Variants in DPP10 observed in about 807,000 individuals in gnomAD.
The protein encoded by DPP10 is inactive dipeptidyl peptidase 10.
Under a neutral mutation model 120.9 loss-of-function variants are expected in DPP10, and 33 were observed. The observed-to-expected ratio is 0.27, with a 90% CI of 0.21 to 0.37. DPP10 has a LOEUF of 0.37. DPP10 is among the 10% of genes least tolerant of loss of function. The pLI, the probability that DPP10 is intolerant of heterozygous loss-of-function variation, is 1.00. For synonymous variants in DPP10, 337 were observed against 326.1 expected (o/e 1.03, Z -0.36); for missense variants, 816 against 942.8 (o/e 0.87, Z 1.76).
At chr2:115,304,596 C>G (rs2061283809) in intron 1 of DPP10, among the ~76,000 whole-genome samples, 1 of 152,004 alleles carries the variant, frequency 6.6e-6, no homozygotes, top group East Asian at 1.9e-4. Flanking sequence ...CAGACTATTT[C>G]AATATAGATG....
intron 1 of DPP10, among the ~76,000 whole-genome samples, chr2:114,627,062 C>T (rs1694566174): frequency 6.6e-6 from 1 of 152,060 alleles, no homozygotes. Flanking sequence ...ACACACGAAG[C>T]TCCATAAAAG....
intron 1 of DPP10, among the ~76,000 whole-genome samples, chr2:114,634,780 G>A (rs1445688327): frequency 6.6e-6 from 1 of 151,868 alleles, no homozygotes; most frequent in Admixed American, 6.6e-5. Context: ...ATTATAACTA[G>A]TAAAACTATA....
intron 1 of DPP10, among the ~76,000 whole-genome samples, chr2:114,721,060 A>T (rs11680414): frequency 6.6e-6 from 1 of 152,256 alleles, no homozygotes; most frequent in Non-Finnish European, 1.5e-5. Flanking sequence ...TACGTTACAC[A>T]GCATAACCTA....
intron 1 of DPP10, among the ~76,000 whole-genome samples, chr2:114,903,651 G>A (rs1157358955): frequency 6.6e-6 from 1 of 152,110 alleles, no homozygotes; most frequent in Non-Finnish European, 1.5e-5. Context: ...TGTGACCTTT[G>A]TCTCCACAAA....
intron 1 of DPP10, among the ~76,000 whole-genome samples, chr2:114,611,129 A>T (rs1467323669): frequency 6.6e-6 from 1 of 151,736 alleles, no homozygotes; most frequent in Non-Finnish European, 1.5e-5. Context: ...TTGAAAGAGA[A>T]CCCGTAGGCA....
chr2:114,975,414 A>G (rs1699691881), intron 1 of DPP10, among the ~76,000 whole-genome samples: 1 of 152,220 alleles, frequency 6.6e-6, no homozygotes. Flanking sequence ...TTTTAAAAAA[A>G]TGAAATTAGA....
chr2:114,571,542 TC>T (rs756241127), intron 1 of DPP10, among the ~76,000 whole-genome samples: 5 of 152,042 alleles, frequency 3.3e-5, no homozygotes, highest in Non-Finnish European at 7.4e-5. Flanking sequence ...TGTAATGCCA[TC>T]CCCTTTCTCT....
Position 114,828,219 on chromosome 2 carries a change from C to T in DPP10, c.60+385381C>T, listed in dbSNP as rs529815832. Among the ~76,000 whole-genome samples, 12 of 152,246 alleles carry T rather than the reference C, an allele frequency of 7.9e-5. No individual in the cohort carries two copies. In the East Asian group the frequency reaches 1.4e-3, roughly 17 times the overall value. ...GGGTAGATGGTCTACGGCCATACCA[C>T]CCTGAACACTCCCCGTCTCGTCTGA... is the stretch of plus-strand genomic sequence containing the variant. On this transcript the variant is annotated intron_variant, in intron 1 of 25. Transcript: ENST00000410059.
rs556047691 is a variant in DPP10, at chr2:115,634,205, G to A, written c.442-55482G>A. 3.9e-5 allele frequency among the ~76,000 whole-genome samples: 6 copies of A among 152,242 alleles called. No homozygotes were observed. The South Asian group carries it at 8.3e-4, about 21-fold the overall frequency. Reference sequence around the variant, plus strand: ...CTCCTTCTGAAGACTACTTCCGTCAGTTTATCCATCTCAGCCTCTGCCTAG... The same window carrying A: ...CTCCTTCTGAAGACTACTTCCGTCAATTTATCCATCTCAGCCTCTGCCTAG... On this transcript the variant is annotated intron_variant, in intron 5 of 25. Coordinates refer to ENST00000410059, the MANE Select transcript of DPP10 (RefSeq NM_020868.6).
At chr2:115,814,355 C>T (rs927204321) in intron 19 of DPP10, among the ~76,000 whole-genome samples, 1 of 151,888 alleles carries the variant, frequency 6.6e-6, no homozygotes, top group African/African-American at 2.4e-5. Context: ...AAATTATTAT[C>T]AACTTTTCAT....
intron 1 of DPP10, among the ~76,000 whole-genome samples, chr2:114,980,991 A>ATTTT (rs10670062): frequency 2.1e-5 from 3 of 145,176 alleles, no homozygotes; most frequent in African/African-American, 7.6e-5. Flanking sequence ...ATGTTGTGTC[A>ATTTT]TTTTTTTTTT....
chr2:114,613,511 T>G (rs1320026314), intron 1 of DPP10, among the ~76,000 whole-genome samples: 1 of 152,166 alleles, frequency 6.6e-6, no homozygotes, highest in African/African-American at 2.4e-5. Flanking sequence ...TTTTACACTG[T>G]TGGTGGGAGT....
Position 115,525,920 on chromosome 2 carries a change from A to C in DPP10, c.389A>C (p.His130Pro). The part of the protein sequence containing the change: ...TTFVTFKASR[H>P]SVSPDLKYVL... Reference sequence around the variant, plus strand: ...TAGGTAACCTTCAAAGCATCAAGACATTCAGTTTCACCAGATTTAAAATAT... The same window carrying C: ...TAGGTAACCTTCAAAGCATCAAGACCTTCAGTTTCACCAGATTTAAAATAT... Residue 130 changes from histidine to proline, a missense_variant, in exon 5 of 26, where the codon CAT becomes CCT. Physicochemically the swap from His to Pro is moderately conservative, Grantham distance 77. This residue lies in a region of DPP10 where 182 missense variants were observed against 207.4 expected (regional missense o/e 0.88). Coordinates refer to ENST00000410059, the MANE Select transcript of DPP10 (RefSeq NM_020868.6). The C allele has an allele frequency of 1.2e-6, 2 of 1,609,706 alleles. No homozygotes were observed. The highest frequency in any genetic ancestry group is 1.7e-6 in the Non-Finnish European group (2 of 1,178,444).
chr2:115,796,193 T>C (rs953673576), intron 19 of DPP10, among the ~76,000 whole-genome samples: 1 of 152,122 alleles, frequency 6.6e-6, no homozygotes, highest in Non-Finnish European at 1.5e-5. Flanking sequence ...TCATCACTTG[T>C]GTTTTCACAT....
chr2:114,894,994 G>A (rs1191091875), intron 1 of DPP10, among the ~76,000 whole-genome samples: 1 of 151,962 alleles, frequency 6.6e-6, no homozygotes, highest in Non-Finnish European at 1.5e-5. Flanking sequence ...ATGACAGTTA[G>A]GCAAACTACT....
At chr2:114,616,902 C>T (rs1693715840) in intron 1 of DPP10, among the ~76,000 whole-genome samples, 1 of 152,040 alleles carries the variant, frequency 6.6e-6, no homozygotes, top group Non-Finnish European at 1.5e-5. Flanking sequence ...CATATGATGA[C>T]ACATCAACTT....
At chr2:114,833,403 A>G in intron 1 of DPP10, 1 of 152,218 alleles carries the variant, frequency 6.6e-6, no homozygotes, top group South Asian at 2.1e-4. Flanking sequence ...TTTCTTAGGA[A>G]ATAATATTTT....
chr2:115,635,357 T>C (rs1244533192), intron 5 of DPP10, among the ~76,000 whole-genome samples: 1 of 152,120 alleles, frequency 6.6e-6, no homozygotes, highest in East Asian at 1.9e-4. Context: ...TCCTGATCTA[T>C]GGGTTGCACA....
intron 1 of DPP10, among the ~76,000 whole-genome samples, chr2:115,008,495 T>C (rs1702024026): frequency 7.7e-6 from 1 of 130,144 alleles, no homozygotes; most frequent in African/African-American, 2.6e-5. Flanking sequence ...ACCTAGGCAT[T>C]ACCATTCAGG....
Sources: allele counts gnomAD v4.1 joint callset (sites outside exome capture counted in the v4.1 genomes callset), GRCh38; gene constraint gnomAD v4.1.1; regional missense constraint gnomAD v4.1.1; transcripts MANE v1.5; gene names NCBI Gene and HGNC (gene_info 2026-07-23, HGNC 2026-07-21).